Variants in SNX18 observed in about 807,000 individuals in gnomAD.
SNX18 encodes sorting nexin-18.
SNX18 carries 35 observed loss-of-function variants against 48.7 expected under a neutral mutation model. The observed-to-expected ratio is 0.72, with a 90% CI of 0.55 to 0.95. SNX18 has a LOEUF of 0.95. Among genes scored for constraint, SNX18 ranks in the 40% least tolerant of loss-of-function variants. SNX18 has a pLI of 0.00. For missense variants in SNX18, 824 were observed against 871.0 expected (o/e 0.95, Z 0.68); for synonymous variants, 492 against 384.7 (o/e 1.28, Z -3.26).
At chr5:54,642,836 A>G in the SNX18 span, among the ~76,000 whole-genome samples, 1 of 152,210 alleles carries the variant, frequency 6.6e-6, no homozygotes, top group Non-Finnish European at 1.5e-5. Context: ...TCCTGTGGGT[A>G]TATGATAGAT....
the SNX18 span, among the ~76,000 whole-genome samples, chr5:54,567,601 T>G: frequency 1.3e-5 from 2 of 152,132 alleles, no homozygotes; most frequent in Non-Finnish European, 2.9e-5. Context: ...TGGAAGGAAA[T>G]GCATGATTTT....
Position 54,518,242 on chromosome 5 carries a change from T to A in SNX18, c.290T>A (p.Phe97Tyr). The change falls in exon 1 of 2, where the codon TTC (phenylalanine) becomes TAC (tyrosine). Residue 97 changes from phenylalanine to tyrosine, a missense_variant. Physicochemically the swap from Phe to Tyr is conservative, Grantham distance 22 (BLOSUM62 3). Around this residue, in one of 3 missense-constraint regions of SNX18, gnomAD observed 377 missense variants for 350.6 expected, o/e 1.08. Transcript: ENST00000381410. ...CTGCCTGTCGCGCCCCCCGCCTCCT[T>A]CAAGCCGCCGCCTGACGCCTTCCAG... ...EPLPVAPPAS[F>Y]KPPPDAFQAL... 1 of 1,450,286 alleles carries A rather than the reference T, an allele frequency of 6.9e-7. No homozygotes were observed. The highest frequency in any genetic ancestry group is 2.9e-5 in the East Asian group (1 of 33,918). The allele number at this position is 1,450,286 out of a possible 1,614,324, so 89.8% of individuals were successfully genotyped here. A position where few individuals can be genotyped will look rare whatever the true frequency, so the allele number is the denominator to read the frequency against.
At chr5:54,638,871 C>A in the SNX18 span, among the ~76,000 whole-genome samples, 5 of 152,292 alleles carry the variant, frequency 3.3e-5, no homozygotes, top group South Asian at 1.0e-3. Context: ...ACCTCAAGAC[C>A]TCATAACATC....
At chr5:54,582,839 T>C in the SNX18 span, among the ~76,000 whole-genome samples, 1 of 147,660 alleles carries the variant, frequency 6.8e-6, no homozygotes, top group Non-Finnish European at 1.5e-5. Flanking sequence ...CTTACCATCA[T>C]TGACTTTAAA....
At chr5:54,603,232 AT>A in the SNX18 span, among the ~76,000 whole-genome samples, 27 of 17,680 alleles carry the variant, frequency 1.5e-3, no homozygotes, top group South Asian at 7.6e-3. Flanking sequence ...TTATTTAAAA[AT>A]ATATATATAT....
At chr5:54,647,672 G>T in the SNX18 span, among the ~76,000 whole-genome samples, 5 of 152,130 alleles carry the variant, frequency 3.3e-5, no homozygotes, top group African/African-American at 1.2e-4. Flanking sequence ...ATATTGAGGA[G>T]ATTCCCAGAA....
At position 54,518,690 on chromosome 5, in the gene SNX18, G is replaced by A. The variant is rs138425349; in HGVS notation, c.738G>A (p.Gly246=). ...VKSGGEAFVL[G]EASGFVKDGD... ...CCGGCGGGGAGGCCTTCGTGCTGGG[G>A]GAGGCGTCAGGCTTCGTGAAGGACG... The change falls in exon 1 of 2, where the codon GGG becomes GGA. Residue 246 remains glycine, a synonymous_variant. Coordinates refer to ENST00000381410, the MANE Select transcript of SNX18 (RefSeq NM_001102575.2). 1 of 1,574,824 alleles carries A rather than the reference G, an allele frequency of 6.3e-7. No homozygotes were observed. The highest frequency in any genetic ancestry group is 2.2e-5 in the East Asian group (1 of 44,530).
At chr5:54,574,585 G>C in the SNX18 span, among the ~76,000 whole-genome samples, 1 of 152,184 alleles carries the variant, frequency 6.6e-6, no homozygotes, top group Non-Finnish European at 1.5e-5. Flanking sequence ...GGAGAAAATG[G>C]TTATTAGGGA....
chr5:54,576,176 C>T, the SNX18 span, among the ~76,000 whole-genome samples: 1 of 152,170 alleles, frequency 6.6e-6, no homozygotes, highest in Non-Finnish European at 1.5e-5. Flanking sequence ...TGTGTGATTC[C>T]AGCCCTCAGC....
chr5:54,607,550 A>G, the SNX18 span, among the ~76,000 whole-genome samples: 2 of 152,206 alleles, frequency 1.3e-5, no homozygotes, highest in African/African-American at 4.8e-5. Context: ...CCTGTATAGT[A>G]TTCCATGGTA....
In SNX18 at chr5:54,542,708, T is replaced by G. The variant is rs147441618; in HGVS notation, c.1622-471T>G. 2.4e-3 allele frequency among the ~76,000 whole-genome samples: 358 copies of G among 152,294 alleles called. 4 individuals are homozygous for G. The highest frequency in any genetic ancestry group is 8.2e-3 in the African/African-American group (339 of 41,560). ...CTTGTTTCAGAGACTGGTTCTAGAG[T>G]CTGAATTATTTAGTGAGACTTTCTG... On this transcript the variant is annotated intron_variant, in intron 1 of 1. Transcript: ENST00000381410.
chr5:54,613,748 G>A, the SNX18 span, among the ~76,000 whole-genome samples: 4 of 152,164 alleles, frequency 2.6e-5, no homozygotes, highest in African/African-American at 9.7e-5. Flanking sequence ...GCCCAGGCTG[G>A]AGTACAATGG....
chr5:54,528,332 C>A (rs557513401), intron 1 of SNX18, among the ~76,000 whole-genome samples: 4 of 152,190 alleles, frequency 2.6e-5, no homozygotes, highest in Admixed American at 2.0e-4. Context: ...CATGGAAGGC[C>A]CACTCAGTTC....
At chr5:54,520,552 T>A (rs1762006533) in intron 1 of SNX18, 2 of 59,576 alleles carry the variant, frequency 3.4e-5, no homozygotes, top group Non-Finnish European at 8.9e-5. Flanking sequence ...CTACTGTCCC[T>A]GTTTCCTCAG....
At chr5:54,646,406 T>A in the SNX18 span, among the ~76,000 whole-genome samples, 1 of 152,236 alleles carries the variant, frequency 6.6e-6, no homozygotes. Flanking sequence ...TTGCCCCGTG[T>A]TCGTGGTCTG....
rs1163357337 is a variant in SNX18, at chr5:54,543,676, T to G, written c.*244T>G. ...TGTATGCCTACACTACCATTGTAAC[T>G]TTTGGAATAATGATTATACTATTTG... On this transcript the variant is annotated 3_prime_UTR_variant, in exon 2 of 2. Transcript: ENST00000381410. 1 of 453,930 alleles carries G rather than the reference T, an allele frequency of 2.2e-6. No individual in the cohort carries two copies. Among genetic ancestry groups the G allele is most frequent in the Non-Finnish European group, 3.9e-6 (1 of 256,536 alleles). The allele number at this position is 453,930 out of a possible 1,614,324, so 28.1% of individuals were successfully genotyped here. A position where few individuals can be genotyped will look rare whatever the true frequency, so the allele number is the denominator to read the frequency against.
chr5:54,608,583 G>A, the SNX18 span, among the ~76,000 whole-genome samples: 1 of 152,118 alleles, frequency 6.6e-6, no homozygotes, highest in African/African-American at 2.4e-5. Flanking sequence ...GTACTGACAA[G>A]TACTTACTGG....
intron 1 of SNX18, among the ~76,000 whole-genome samples, chr5:54,530,265 C>G (rs964761492): frequency 7.9e-5 from 12 of 152,150 alleles, no homozygotes; most frequent in African/African-American, 2.4e-4. Context: ...CAAAAAAGGT[C>G]ACAGTCAAAG....
rs6450220 is a variant in SNX18 at position 54,530,991 on chromosome 5, G to A, written c.1621+11418G>A. ...TTGTCTCAAACTCCTGACCTCAGGTGATCTACCCGTCTCGGCCTCCCAAAG... is the reference window on the plus strand; with the variant it reads ...TTGTCTCAAACTCCTGACCTCAGGTAATCTACCCGTCTCGGCCTCCCAAAG... On this transcript the variant is annotated intron_variant, in intron 1 of 1. Coordinates refer to ENST00000381410, the MANE Select transcript of SNX18 (RefSeq NM_001102575.2). Among the ~76,000 whole-genome samples, 1,047 of 152,032 alleles carry A rather than the reference G, an allele frequency of 6.9e-3. 8 individuals are homozygous for A. The highest frequency in any genetic ancestry group is 0.024 in the African/African-American group (1,008 of 41,436).
Sources: gnomAD v4.1 joint callset for allele counts (sites outside exome capture counted in the v4.1 genomes callset) on GRCh38, gnomAD v4.1.1 for gene constraint, gnomAD v4.1.1 regional missense constraint, MANE v1.5 for transcripts, NCBI Gene and HGNC (gene_info 2026-07-23, HGNC 2026-07-21) for gene names.